SAMD12: variants seen among roughly 807,000 people sequenced by gnomAD.
The protein encoded by SAMD12 is sterile alpha motif domain containing 12.
SAMD12 carries 9 observed loss-of-function variants against 15.0 expected under a neutral mutation model. The ratio of observed to expected loss-of-function variants is 0.60; its 90% CI spans 0.36 to 1.05. The LOEUF (loss-of-function observed/expected upper bound fraction) is 1.05, where lower values mean the gene tolerates loss of function less well. Ranked by LOEUF, SAMD12 falls within the 50% of genes least tolerant of loss-of-function variation. The pLI, the probability that SAMD12 is intolerant of heterozygous loss-of-function variation, is 0.01. For missense variants in SAMD12, 230 were observed against 234.2 expected, an observed-to-expected ratio of 0.98 and a Z score of 0.12; for synonymous variants, 86 against 90.1, an observed-to-expected ratio of 0.96 and a Z score of 0.25.
chr8:118,537,683 C>T (rs2131140761), intron 2 of SAMD12, among the ~76,000 whole-genome samples: 1 of 152,296 alleles, frequency 6.6e-6, no homozygotes, highest in East Asian at 1.9e-4. Flanking sequence ...TGAATTCCTT[C>T]TCTGTGTTAT....
intron 3 of SAMD12, among the ~76,000 whole-genome samples, chr8:118,426,963 T>C (rs1822252529): frequency 6.6e-6 from 1 of 152,126 alleles, no homozygotes. Context: ...AATCCAAAAG[T>C]CTTGGATGCA....
chr8:118,504,456 G>C (rs557475505), intron 2 of SAMD12, among the ~76,000 whole-genome samples: 2 of 152,304 alleles, frequency 1.3e-5, no homozygotes, highest in South Asian at 4.1e-4. Context: ...TCTTTGACTT[G>C]CTATTTCTAA....
chr8:118,383,863 G>C (rs1819805126), intron 3 of SAMD12, among the ~76,000 whole-genome samples: 1 of 152,116 alleles, frequency 6.6e-6, no homozygotes, highest in Admixed American at 6.5e-5. Flanking sequence ...GTGATATGGA[G>C]ATAAGTAGTG....
At chr8:118,236,179 G>A (rs1018311656) in intron 4 of SAMD12, among the ~76,000 whole-genome samples, 6 of 152,112 alleles carry the variant, frequency 3.9e-5, no homozygotes, top group African/African-American at 1.4e-4. Flanking sequence ...ACACTGCAAC[G>A]ATATTTGTTT....
At chr8:118,450,895 C>G (rs909114542) in intron 2 of SAMD12, among the ~76,000 whole-genome samples, 1 of 152,118 alleles carries the variant, frequency 6.6e-6, no homozygotes, top group African/African-American at 2.4e-5. Flanking sequence ...CTTCTGAGAA[C>G]GTGTGTGGTC....
exon 5 of SAMD12, chr8:118,194,951 A>G (rs1819516106): frequency 6.6e-6 from 1 of 152,234 alleles, no homozygotes; most frequent in African/African-American, 2.4e-5. Context: ...GACAGTTTGG[A>G]AAAGAATAGT....
intron 2 of SAMD12, among the ~76,000 whole-genome samples, chr8:118,511,880 C>G (rs1419904405): frequency 1.3e-5 from 2 of 152,070 alleles, no homozygotes; most frequent in African/African-American, 4.8e-5. Context: ...AAAGAGCCAG[C>G]CTTTTGCAAA....
chr8:118,596,330 G>A (rs1436044566), intron 1 of SAMD12, among the ~76,000 whole-genome samples: 1 of 152,206 alleles, frequency 6.6e-6, no homozygotes, highest in East Asian at 1.9e-4. Flanking sequence ...AAAAGACTGA[G>A]ACAAGGAGGC....
intron 4 of SAMD12, among the ~76,000 whole-genome samples, chr8:118,343,424 G>C (rs533827684): frequency 1.3e-4 from 19 of 151,966 alleles, no homozygotes; most frequent in African/African-American, 4.6e-4. Flanking sequence ...AAATTGACAG[G>C]GGAGTAGTAT....
chr8:118,409,729 A>G (rs1821315460), intron 3 of SAMD12, among the ~76,000 whole-genome samples: 1 of 152,084 alleles, frequency 6.6e-6, no homozygotes, highest in Non-Finnish European at 1.5e-5. Context: ...ATGGCTTATA[A>G]TATCTAGTTT....
intron 2 of SAMD12, among the ~76,000 whole-genome samples, chr8:118,525,515 G>A (rs1248814103): frequency 1.3e-5 from 2 of 152,174 alleles, no homozygotes; most frequent in African/African-American, 4.8e-5. Flanking sequence ...GCCCATCATA[G>A]AAGCTCAACA....
At chr8:118,451,744 T>G (rs1404263826) in intron 2 of SAMD12, among the ~76,000 whole-genome samples, 1 of 152,174 alleles carries the variant, frequency 6.6e-6, no homozygotes, top group Non-Finnish European at 1.5e-5. Context: ...CTATGAACTC[T>G]GGAATCCATT....
intron 1 of SAMD12, among the ~76,000 whole-genome samples, chr8:118,617,613 A>G (rs1320252184): frequency 6.6e-6 from 1 of 152,228 alleles, no homozygotes; most frequent in Admixed American, 6.5e-5. Flanking sequence ...GACCTGGAAT[A>G]GAAATTACCA....
At chr8:118,619,044 G>C (rs1175059632) in intron 1 of SAMD12, among the ~76,000 whole-genome samples, 1 of 152,078 alleles carries the variant, frequency 6.6e-6, no homozygotes, top group Non-Finnish European at 1.5e-5. Context: ...CCATGGCTTG[G>C]CCTCGTTATA....
chr8:118,416,565 G>C (rs1821700707), intron 3 of SAMD12, among the ~76,000 whole-genome samples: 1 of 152,136 alleles, frequency 6.6e-6, no homozygotes, highest in Admixed American at 6.5e-5. Flanking sequence ...CAAAATTCCA[G>C]ATAGAAGGAA....
intron 4 of SAMD12, among the ~76,000 whole-genome samples, chr8:118,198,695 AAAAAT>A (rs1454748420): frequency 6.6e-6 from 1 of 152,212 alleles, no homozygotes; most frequent in East Asian, 1.9e-4. Flanking sequence ...GAGAAAATGA[AAAAAT>A]AAAAGGTACT....
intron 3 of SAMD12, among the ~76,000 whole-genome samples, chr8:118,405,104 T>C (rs1025909990): frequency 6.6e-6 from 1 of 152,202 alleles, no homozygotes; most frequent in African/African-American, 2.4e-5. Context: ...ATCCCAAGTG[T>C]TGACAAGGAT....
At chr8:118,300,220 C>T (rs796290224) in intron 4 of SAMD12, among the ~76,000 whole-genome samples, 1 of 152,254 alleles carries the variant, frequency 6.6e-6, no homozygotes, top group African/African-American at 2.4e-5. Context: ...TTGTTAACTA[C>T]AGTCATCCCA....
At chr8:118,457,508 T>C (rs1011341739) in intron 2 of SAMD12, among the ~76,000 whole-genome samples, 1 of 152,048 alleles carries the variant, frequency 6.6e-6, no homozygotes, top group East Asian at 1.9e-4. Context: ...TGAAGACATA[T>C]GGGGCAGGTG....
Sources: gnomAD v4.1 joint callset for allele counts (sites outside exome capture counted in the v4.1 genomes callset) on GRCh38, gnomAD v4.1.1 for gene constraint, MANE v1.5 for transcripts, NCBI Gene and HGNC (gene_info 2026-07-23, HGNC 2026-07-21) for gene names.